The following SCN2A variants were observed in gnomAD, a reference collection of about 807,000 sequenced individuals.
SCN2A encodes sodium voltage-gated channel alpha subunit 2, also known as sodium channel protein type 2 subunit alpha.
SCN2A carries 20 observed loss-of-function variants against 188.7 expected under a neutral mutation model. The ratio of observed to expected loss-of-function variants is 0.11; its 90% CI spans 0.07 to 0.15. SCN2A has a LOEUF of 0.15. Among genes scored for constraint, SCN2A ranks in the 10% least tolerant of loss-of-function variants. SCN2A has a pLI of 1.00. For synonymous variants in SCN2A, 804 were observed against 833.1 expected (o/e 0.97, Z 0.60); for missense variants, 1,278 against 2,445.0 (o/e 0.52, Z 10.07).
intron 1 of SCN2A, chr2:165,273,594 T>C (rs948927965): frequency 5.9e-5 from 9 of 152,128 alleles, no homozygotes; most frequent in African/African-American, 1.2e-4. Context: ...TCTCCCTCCC[T>C]CCCTCTCTCT....
intron 1 of SCN2A, chr2:165,273,817 C>T (rs771924153): frequency 6.6e-6 from 1 of 152,130 alleles, no homozygotes. Context: ...GAAAATGTCA[C>T]TCATGAGTGT....
intron 19 of SCN2A, among the ~76,000 whole-genome samples, chr2:165,368,268 A>T (rs1210189718): frequency 2.0e-5 from 3 of 152,014 alleles, no homozygotes; most frequent in Admixed American, 2.0e-4. Flanking sequence ...CTAATGTCCA[A>T]CTGTAGTCTC....
intron 17 of SCN2A, among the ~76,000 whole-genome samples, chr2:165,355,340 CA>C (rs1243179741): frequency 6.6e-6 from 1 of 152,034 alleles, no homozygotes; most frequent in East Asian, 1.9e-4. Flanking sequence ...CTGAATTTAC[CA>C]ACTCAGTAAG....
chr2:165,254,005 G>T (rs1290172497), intron 1 of SCN2A, among the ~76,000 whole-genome samples: 1 of 151,660 alleles, frequency 6.6e-6, no homozygotes, highest in African/African-American at 2.4e-5. Flanking sequence ...CAAATTTCCT[G>T]CTGTTTCCTA....
chr2:165,245,672 G>A (rs1693813114), intron 1 of SCN2A, among the ~76,000 whole-genome samples: 1 of 152,088 alleles, frequency 6.6e-6, no homozygotes, highest in South Asian at 2.1e-4. Context: ...CAGACAGGGT[G>A]ACCATAAAAT....
chr2:165,376,938 A>G (rs1206391617), intron 22 of SCN2A, among the ~76,000 whole-genome samples: 6 of 127,992 alleles, frequency 4.7e-5, no homozygotes, highest in Admixed American at 8.4e-5. Context: ...ATAGTCAGGA[A>G]AGGGGAAGAG....
At chr2:165,257,290 A>G (rs1694367590) in intron 1 of SCN2A, among the ~76,000 whole-genome samples, 1 of 152,170 alleles carries the variant, frequency 6.6e-6, no homozygotes. Flanking sequence ...GAATTCAGGT[A>G]TAATTGTGGT....
chr2:165,296,535 G>A (rs1696519657), intron 2 of SCN2A: 2 of 202,154 alleles, frequency 9.9e-6, no homozygotes, highest in South Asian at 1.7e-4. Context: ...GATCTTCAGT[G>A]GGTTTAATTA....
intron 1 of SCN2A, among the ~76,000 whole-genome samples, chr2:165,294,821 T>G (rs1232080413): frequency 6.6e-6 from 1 of 152,152 alleles, no homozygotes; most frequent in Non-Finnish European, 1.5e-5. Flanking sequence ...AAAAATCTAT[T>G]TAGGTTATTG....
At chr2:165,283,742 A>G (rs1695692575) in intron 1 of SCN2A, among the ~76,000 whole-genome samples, 1 of 152,200 alleles carries the variant, frequency 6.6e-6, no homozygotes, top group South Asian at 2.1e-4. Context: ...CTTGTAGCTC[A>G]GTGGTGCATT....
chr2:165,240,787 G>A (rs1693585961), intron 1 of SCN2A, among the ~76,000 whole-genome samples: 1 of 151,064 alleles, frequency 6.6e-6, no homozygotes, highest in Non-Finnish European at 1.5e-5. Flanking sequence ...CATGTCAGAG[G>A]TTGTGAAAGC....
At chr2:165,256,074 C>T (rs184113174) in intron 1 of SCN2A, among the ~76,000 whole-genome samples, 1 of 140,732 alleles carries the variant, frequency 7.1e-6, no homozygotes, top group Non-Finnish European at 1.5e-5. Flanking sequence ...GGCGCAGTCT[C>T]GGCTCACTAC....
rs1702078644 is a variant in SCN2A, at chr2:165,390,347, A to G, written c.*523A>G. ...AAGGGAGGGAATTCTACATTTCTCTATTGTATTGTATAACTGGATATATTT... is the reference window on the plus strand; with the variant it reads ...AAGGGAGGGAATTCTACATTTCTCTGTTGTATTGTATAACTGGATATATTT... On this transcript the variant is annotated 3_prime_UTR_variant, in exon 27 of 27. Transcript: ENST00000375437. 1 of 159,774 alleles carries G rather than the reference A, an allele frequency of 6.3e-6. No homozygotes were observed. The highest frequency in any genetic ancestry group is 1.8e-4 in the East Asian group (1 of 5,596). The allele number at this position is 159,774 out of a possible 1,614,324, so 9.9% of individuals were successfully genotyped here.
intron 1 of SCN2A, among the ~76,000 whole-genome samples, chr2:165,278,060 C>T (rs1695420401): frequency 1.3e-5 from 2 of 152,226 alleles, no homozygotes; most frequent in Admixed American, 1.3e-4. Context: ...TGAAAGTGTG[C>T]ATGGAAAATG....
chr2:165,290,723 G>C lies in SCN2A; in HGVS notation c.-51-5050G>C, dbSNP rs532174328. On this transcript the variant is annotated intron_variant, in intron 1 of 26. Coordinates refer to ENST00000375437, the MANE Select transcript of SCN2A (RefSeq NM_001040142.2). The stretch of plus-strand genomic sequence containing the variant: ...ATAATTGAAGTTGACACTCATCATA[G>C]AGATTTATGAAATATTGTGCGCTTG... 4 of 973,794 alleles carry C rather than the reference G, an allele frequency of 4.1e-6. No individual in the cohort carries two copies. The East Asian group carries it at 3.4e-4, about 84-fold the overall frequency. The allele number at this position is 973,794 out of a possible 1,614,324, so 60.3% of individuals were successfully genotyped here.
chr2:165,308,049 A>G (rs1201934098), intron 4 of SCN2A, 112 bp downstream of exon 4: 4 of 793,908 alleles, frequency 5.0e-6, no homozygotes, highest in Non-Finnish European at 6.8e-6. Flanking sequence ...ACTGTTAACC[A>G]GACCCTGATT....
chr2:165,323,983 C>A (rs1698219744), intron 12 of SCN2A, among the ~76,000 whole-genome samples: 1 of 152,142 alleles, frequency 6.6e-6, no homozygotes, highest in African/African-American at 2.4e-5. Context: ...AGTGTTGTAA[C>A]CTTTTTAGCA....
chr2:165,369,415 C>A (rs973035818), intron 19 of SCN2A, among the ~76,000 whole-genome samples: 36 of 152,160 alleles, frequency 2.4e-4, no homozygotes, highest in Admixed American at 1.8e-3. Flanking sequence ...GCCCAGAAAC[C>A]TTTAGGTCCT....
chr2:165,367,560 C>T lies in SCN2A; in HGVS notation c.3675+189C>T, dbSNP rs181338217. Among the ~76,000 whole-genome samples, 350 of 152,246 alleles carry T rather than the reference C, an allele frequency of 2.3e-3. 6 individuals are homozygous for T. The highest frequency in any genetic ancestry group is 0.022 in the Admixed American group (334 of 15,282). On this transcript the variant is annotated intron_variant, in intron 19 of 26. Transcript: ENST00000375437. ...TTGTCACTCTGTCTGGAGTAGCCCT[C>T]GGGTGGAACCAAACTCAGATCATTA...
Sources: allele counts gnomAD v4.1 joint callset (sites outside exome capture counted in the v4.1 genomes callset), GRCh38; gene constraint gnomAD v4.1.1; transcripts MANE v1.5; gene names NCBI Gene and HGNC (gene_info 2026-07-23, HGNC 2026-07-21).